The following PROSER2 variants were observed in gnomAD, a reference collection of about 807,000 sequenced individuals.
PROSER2 encodes proline and serine rich 2.
In PROSER2, 18 loss-of-function variants were observed where a neutral mutation model predicts 14.6. The observed-to-expected ratio is 1.23, with a 90% CI of 0.85 to 1.83. The LOEUF is 1.83. Among genes scored for constraint, PROSER2 ranks in the 40% most tolerant of loss-of-function variants. The pLI is 0.00. For missense variants in PROSER2, 823 were observed against 629.8 expected (o/e 1.31, Z -3.28); for synonymous variants, 367 against 286.4 (o/e 1.28, Z -2.84).
At chr10:11,841,274 C>T (rs1007520653) in intron 1 of PROSER2, among the ~76,000 whole-genome samples, 3 of 152,024 alleles carry the variant, frequency 2.0e-5, no homozygotes, top group East Asian at 1.9e-4. Flanking sequence ...ACCTTTTCAA[C>T]ACCCATGGCA....
At chr10:11,841,318 T>C (rs1833842919) in intron 1 of PROSER2, among the ~76,000 whole-genome samples, 1 of 152,160 alleles carries the variant, frequency 6.6e-6, no homozygotes, top group Non-Finnish European at 1.5e-5. Context: ...TATTCTGATA[T>C]TGTTCATCCA....
At chr10:11,841,448 T>C (rs1019193281) in intron 1 of PROSER2, among the ~76,000 whole-genome samples, 23 of 152,196 alleles carry the variant, frequency 1.5e-4, no homozygotes, top group Admixed American at 5.9e-4. Flanking sequence ...CTTTTTCTTG[T>C]TGATTTTGTA....
Position 11,834,887 on chromosome 10 carries a change from A to C in PROSER2, c.-82+11417A>C, listed in dbSNP as rs111414690. 1.8e-4 allele frequency among the ~76,000 whole-genome samples: 28 copies of C among 152,168 alleles called. 1 individual carries two copies. In the East Asian group the frequency reaches 5.4e-3, roughly 29 times the overall value. ...TTTGTGAGGCTGAGATGGGTGGATC[A>C]CTTGAGGTCAGGAGTTCGAAACCAG... is the stretch of plus-strand genomic sequence containing the variant. On this transcript the variant is annotated intron_variant, in intron 1 of 3. Transcript: ENST00000277570.
chr10:11,843,033 T>C (rs916672576), intron 1 of PROSER2, among the ~76,000 whole-genome samples: 3 of 147,014 alleles, frequency 2.0e-5, no homozygotes, highest in Non-Finnish European at 4.5e-5. Flanking sequence ...TTCCGCCTCC[T>C]GGGTTTACAC....
chr10:11,865,863 T>C lies in PROSER2; in HGVS notation c.139-668T>C, dbSNP rs1834334156. 6.6e-6 allele frequency among the ~76,000 whole-genome samples: 1 copy of C among 152,180 alleles called. No individual in the cohort carries two copies. Among genetic ancestry groups the C allele is most frequent in the East Asian group, 1.9e-4 (1 of 5,190 alleles). On this transcript the variant is annotated intron_variant, in intron 2 of 3. Coordinates refer to ENST00000277570, the MANE Select transcript of PROSER2 (RefSeq NM_153256.4). This position sits in a 1 kb window ranked among gnomAD's most constrained non-coding sequence, Gnocchi z 4.2. ...TCAAACAGTTCAGCTCTCTTCACCG[T>C]CACCTTGCCCACACTTCCAGAGCCG...
chr10:11,863,925 C>G (rs1267209820), intron 2 of PROSER2, among the ~76,000 whole-genome samples: 2 of 152,140 alleles, frequency 1.3e-5, no homozygotes, highest in Non-Finnish European at 1.5e-5. Flanking sequence ...TTGTTGTGAA[C>G]TAGACTACTT....
At chr10:11,854,509 C>G (rs1394472634) in intron 2 of PROSER2, among the ~76,000 whole-genome samples, 1 of 152,084 alleles carries the variant, frequency 6.6e-6, no homozygotes, top group African/African-American at 2.4e-5. Context: ...TGAGGTCTTG[C>G]TATGTTGAAC....
intron 3 of PROSER2, among the ~76,000 whole-genome samples, chr10:11,867,182 G>A (rs769445556): frequency 4.8e-5 from 7 of 146,410 alleles, no homozygotes; most frequent in African/African-American, 1.0e-4. Flanking sequence ...GGAGAATGGC[G>A]TGAACCCGGG....
intron 2 of PROSER2, among the ~76,000 whole-genome samples, chr10:11,858,701 A>G (rs915031673): frequency 1.3e-5 from 2 of 152,160 alleles, no homozygotes; most frequent in Non-Finnish European, 2.9e-5. Context: ...TCTTGAAGTC[A>G]GCATGGTAGG....
intron 1 of PROSER2, among the ~76,000 whole-genome samples, chr10:11,826,413 A>G (rs986420220): frequency 6.6e-6 from 1 of 152,168 alleles, no homozygotes; most frequent in African/African-American, 2.4e-5. Flanking sequence ...TTCCCGGGTC[A>G]TATGGTAATT....
chr10:11,826,031 C>G (rs2131041345), intron 1 of PROSER2, among the ~76,000 whole-genome samples: 1 of 152,188 alleles, frequency 6.6e-6, no homozygotes, highest in Non-Finnish European at 1.5e-5. Context: ...GCAGACGATT[C>G]CCATTGCCCT....
intron 1 of PROSER2, among the ~76,000 whole-genome samples, chr10:11,843,985 T>G (rs370276584): frequency 1.3e-5 from 2 of 152,248 alleles, no homozygotes; most frequent in South Asian, 2.1e-4. Context: ...AATCTGTCTT[T>G]TCTTTGAGTG....
rs1192046241 is a variant in PROSER2, at chr10:11,869,312, A to G, written c.392-178A>G. On this transcript the variant is annotated intron_variant, in intron 3 of 3. Transcript: ENST00000277570. This position sits in a 1 kb window ranked among gnomAD's most constrained non-coding sequence, Gnocchi z 4.4. Reference sequence around the variant, plus strand: ...ATCAGCGTGAGGTCATGAGCATGACATACCACCTTCTCCTTCCCTAGTCCC... The same window carrying G: ...ATCAGCGTGAGGTCATGAGCATGACGTACCACCTTCTCCTTCCCTAGTCCC... 3 of 618,070 alleles carry G rather than the reference A, an allele frequency of 4.9e-6. No homozygotes were observed. The highest frequency in any genetic ancestry group is 8.7e-6 in the Non-Finnish European group (3 of 344,680). 38.3% of individuals were successfully genotyped at this position (618,070 alleles called of 1,614,324 possible). A position where few individuals can be genotyped will look rare whatever the true frequency, so the allele number is the denominator to read the frequency against.
At chr10:11,827,820 G>A (rs535238345) in intron 1 of PROSER2, among the ~76,000 whole-genome samples, 2 of 151,764 alleles carry the variant, frequency 1.3e-5, no homozygotes, top group East Asian at 1.9e-4. Flanking sequence ...CTGGGACTAC[G>A]GGTGCGTGCC....
chr10:11,851,759 GA>G (rs918729414), intron 1 of PROSER2: 8 of 172,672 alleles, frequency 4.6e-5, no homozygotes, highest in East Asian at 1.5e-4. Context: ...CTCTATCTCT[GA>G]AAAAAAAACA....
intron 2 of PROSER2, among the ~76,000 whole-genome samples, chr10:11,857,743 T>TG (rs1554767520): frequency 0.058 from 6,155 of 106,518 alleles, 200 homozygotes; most frequent in Middle Eastern, 0.14. Context: ...AGACCCCATC[T>TG]AAAAAAAAAA....
chr10:11,840,903 C>A (rs1245639420), intron 1 of PROSER2, among the ~76,000 whole-genome samples: 1 of 117,570 alleles, frequency 8.5e-6, no homozygotes, highest in Non-Finnish European at 1.6e-5. Context: ...CCAGCCTGGG[C>A]GTCAGAGTGA....
chr10:11,829,491 G>A (rs189705637), intron 1 of PROSER2, among the ~76,000 whole-genome samples: 3 of 151,976 alleles, frequency 2.0e-5, no homozygotes, highest in Non-Finnish European at 2.9e-5. Flanking sequence ...CGCTGAGGCA[G>A]GAGATGCTTG....
At position 11,870,557 on chromosome 10, in the gene PROSER2, T is replaced by G. The variant is rs1246389751; in HGVS notation, c.*151T>G. 1.6e-6 allele frequency: 1 copy of G among 611,500 alleles called. No individual in the cohort carries two copies. Among genetic ancestry groups the G allele is most frequent in the Non-Finnish European group, 2.6e-6 (1 of 380,748 alleles). 37.9% of individuals were successfully genotyped at this position (611,500 alleles called of 1,614,324 possible). A position where few individuals can be genotyped will look rare whatever the true frequency, so the allele number is the denominator to read the frequency against. On this transcript the variant is annotated 3_prime_UTR_variant, in exon 4 of 4. Transcript: ENST00000277570. The stretch of plus-strand genomic sequence containing the variant: ...ACATCGGAGTCTAGAGGTGCCTGGC[T>G]GGGGCCTCCTGGCTGAGCACGCACC...
Sources: allele counts gnomAD v4.1 joint callset (sites outside exome capture counted in the v4.1 genomes callset), GRCh38; gene constraint gnomAD v4.1.1; non-coding constraint Gnocchi (gnomAD v3.1); transcripts MANE v1.5; gene names NCBI Gene and HGNC (gene_info 2026-07-23, HGNC 2026-07-21).